AQR: variants seen among roughly 807,000 people sequenced by gnomAD.
AQR encodes the protein aquarius intron-binding spliceosomal factor.
In AQR, 61 loss-of-function variants were observed where a neutral mutation model predicts 180.5. The observed-to-expected ratio is 0.34, with a 90% CI of 0.28 to 0.42. AQR has a LOEUF of 0.42. Ranked by LOEUF, AQR falls within the 10% of genes least tolerant of loss-of-function variation. The pLI is 1.00. For missense variants in AQR, 1,281 were observed against 1,798.3 expected (o/e 0.71, Z 5.20); for synonymous variants, 551 against 588.8 (o/e 0.94, Z 0.93).
At chr15:34,943,122 T>C in intron 6 of AQR, 2 of 1,611,722 alleles carry the variant, frequency 1.2e-6, no homozygotes, top group Non-Finnish European at 1.7e-6. Context: ...CTGTAAGAAG[T>C]GTGGCAAGCA....
At chr15:34,923,036 A>T (rs192342739) in intron 13 of AQR, among the ~76,000 whole-genome samples, 175 of 152,230 alleles carry the variant, frequency 1.1e-3, no homozygotes, top group Admixed American at 1.8e-3. Flanking sequence ...AATATCAGTT[A>T]CTCATGGTTG....
intron 1 of AQR, among the ~76,000 whole-genome samples, chr15:34,968,537 C>T (rs12901794): frequency 0.61 from 92,843 of 151,832 alleles, 30,646 homozygotes; most frequent in South Asian, 0.75. Flanking sequence ...GGATTACAGG[C>T]GTGAGCCCCT....
intron 11 of AQR, among the ~76,000 whole-genome samples, chr15:34,930,765 C>T (rs544372128): frequency 2.0e-5 from 3 of 150,952 alleles, no homozygotes; most frequent in African/African-American, 7.4e-5. Flanking sequence ...CCTGAGGTCT[C>T]TCGCTATAGG....
intron 22 of AQR, among the ~76,000 whole-genome samples, chr15:34,895,629 T>C (rs1893232247): frequency 6.6e-6 from 1 of 151,986 alleles, no homozygotes; most frequent in Admixed American, 6.6e-5. Flanking sequence ...TAATAATAAA[T>C]GGGGCCAATT....
chr15:34,900,520 C>T, intron 20 of AQR, 102 bp downstream of exon 20: 1 of 1,427,290 alleles, frequency 7.0e-7, no homozygotes, highest in South Asian at 1.5e-5. Context: ...AAAACAAAAT[C>T]CAAATATAGT....
intron 13 of AQR, among the ~76,000 whole-genome samples, chr15:34,925,047 A>T (rs987747447): frequency 6.6e-6 from 1 of 152,152 alleles, no homozygotes; most frequent in South Asian, 2.1e-4. Flanking sequence ...AGTTGTCATT[A>T]AAAAATTTAA....
In AQR at chr15:34,875,935, CT is replaced by C; in HGVS notation, c.3236del (p.Gln1079ArgfsTer10). 6.2e-7 allele frequency: 1 copy of C among 1,603,736 alleles called. No individual in the cohort carries two copies. Among genetic ancestry groups the C allele is most frequent in the Non-Finnish European group, 8.5e-7 (1 of 1,171,186 alleles). On this transcript the variant is annotated frameshift_variant and splice_region_variant, in exon 28 of 35. Transcript: ENST00000156471. LOFTEE classifies it high-confidence loss of function. ...EIETFIPLLL[Q>X]NPQDGFSRLK... ...TTGCCTCAGATCTTATATTTCTTAC[CT>C]GTAGAAGAAGAGGGATAAAAGTTTC...
At chr15:34,901,674 A>T (rs1467217001) in intron 19 of AQR, among the ~76,000 whole-genome samples, 1 of 152,210 alleles carries the variant, frequency 6.6e-6, no homozygotes, top group Non-Finnish European at 1.5e-5. Context: ...AAGATAGTAT[A>T]TGTTAATCAC....
At position 34,930,265 on chromosome 15, in the gene AQR, G is replaced by C. The variant is rs758263003; in HGVS notation, c.1007C>G (p.Ser336Cys). The C allele has an allele frequency of 5.5e-5, 86 of 1,573,118 alleles. No homozygotes were observed. In the Admixed American group the frequency reaches 9.7e-4, roughly 18 times the overall value. The stretch of plus-strand genomic sequence containing the variant: ...ATAATGTATTTTAATTACCTGTAGA[G>C]AAGTAATTCTATCATAGTGAATTGT... ...MTTIHYDRIT[S>C]LQRAAFAHFP... Residue 336 changes from serine (S) to cysteine (C), a missense_variant, in exon 12 of 35, where the codon TCT (serine) becomes TGT (cysteine). Coordinates refer to ENST00000156471, the MANE Select transcript of AQR (RefSeq NM_014691.3).
chr15:34,927,014 T>C (rs1893774974), intron 13 of AQR, 21 bp downstream of exon 13: 2 of 1,401,186 alleles, frequency 1.4e-6, no homozygotes, highest in South Asian at 1.4e-5. Flanking sequence ...AAAGAATATA[T>C]AGTTTTTCAT....
At chr15:34,886,777 T>C in intron 24 of AQR, 116 bp from the exon 25 acceptor site, 1 of 1,030,468 alleles carries the variant, frequency 9.7e-7, no homozygotes, top group Non-Finnish European at 1.4e-6. Flanking sequence ...AACTAGAAGA[T>C]ATGGCTTCTA....
At chr15:34,867,431 T>C in intron 32 of AQR, 93 bp downstream of exon 32, 1 of 1,130,264 alleles carries the variant, frequency 8.8e-7, no homozygotes, top group Non-Finnish European at 1.3e-6. Context: ...TAGTTTAAAC[T>C]TAAAAAATAT....
chr15:34,949,407 G>T (rs1158540768), intron 4 of AQR, among the ~76,000 whole-genome samples: 1 of 151,172 alleles, frequency 6.6e-6, no homozygotes, highest in Admixed American at 6.6e-5. Context: ...TCAAGAGATC[G>T]AGACCATCCT....
At chr15:34,863,145 G>A (rs1404878752) in intron 32 of AQR, 104 bp from the exon 33 acceptor site, 2 of 1,067,590 alleles carry the variant, frequency 1.9e-6, no homozygotes, top group African/African-American at 1.6e-5. Flanking sequence ...TTAAGCCCTG[G>A]CAATAAAAAG....
At chr15:34,946,598 C>G (rs1342070825) in intron 5 of AQR, among the ~76,000 whole-genome samples, 1 of 146,638 alleles carries the variant, frequency 6.8e-6, no homozygotes, top group East Asian at 2.1e-4. Context: ...CAGCCCCCAG[C>G]CCGGCCAGCC....
chr15:34,954,984 G>A (rs1407449471), intron 3 of AQR, among the ~76,000 whole-genome samples: 1 of 152,060 alleles, frequency 6.6e-6, no homozygotes, highest in Non-Finnish European at 1.5e-5. Context: ...TTAGCCAGGT[G>A]TGGTGGTGTG....
Position 34,964,247 on chromosome 15 carries a change from G to A in AQR, c.119C>T (p.Pro40Leu). The A allele has an allele frequency of 6.2e-7, 1 of 1,606,062 alleles. No homozygotes were observed. The highest frequency in any genetic ancestry group is 8.5e-7 in the Non-Finnish European group (1 of 1,174,126). ...AAAAATACTTACCTTTATATCAAAA[G>A]GTGATTTCTTCTTGATGTGGGGAGC... The part of the protein sequence containing the change: ...YWAPHIKKKS[P>L]FDIKVIEDIY... Residue 40 changes from proline (P) to leucine (L), a missense_variant, in exon 2 of 35, where the codon CCT (proline) becomes CTT (leucine). Pro to Leu is a moderately conservative substitution (Grantham distance 98). Transcript: ENST00000156471.
intron 16 of AQR, among the ~76,000 whole-genome samples, chr15:34,912,715 T>C (rs1331877050): frequency 6.6e-6 from 1 of 152,070 alleles, no homozygotes; most frequent in Non-Finnish European, 1.5e-5. Context: ...TCTTCTTATG[T>C]CAGTCTAACG....
At chr15:34,876,077 C>A (rs1892885622) in intron 27 of AQR, 71 bp from the exon 28 acceptor site, 2 of 1,083,734 alleles carry the variant, frequency 1.8e-6, no homozygotes, top group South Asian at 2.8e-5. Context: ...ACATAATCAT[C>A]AAAAAAACCC....
Sources: allele counts gnomAD v4.1 joint callset (sites outside exome capture counted in the v4.1 genomes callset), GRCh38; gene constraint gnomAD v4.1.1; transcripts MANE v1.5; gene names NCBI Gene and HGNC (gene_info 2026-07-23, HGNC 2026-07-21).